The following ZNF532 variants were observed in gnomAD, a reference collection of about 807,000 sequenced individuals.
ZNF532 encodes zinc finger protein 532.
In ZNF532, 22 loss-of-function variants were observed where a neutral mutation model predicts 89.3. The ratio of observed to expected loss-of-function variants is 0.25; its 90% CI spans 0.18 to 0.35. The LOEUF (loss-of-function observed/expected upper bound fraction) is 0.35. Ranked by LOEUF, ZNF532 falls within the 10% of genes least tolerant of loss-of-function variation. ZNF532 has a pLI of 1.00. For synonymous variants in ZNF532, 606 were observed against 649.6 expected (o/e 0.93, Z 1.02); for missense variants, 1,132 against 1,643.4 (o/e 0.69, Z 5.38).
intron 7 of ZNF532, among the ~76,000 whole-genome samples, chr18:58,978,005 A>G (rs17834703): frequency 0.038 from 5,827 of 152,320 alleles, 111 homozygotes; most frequent in East Asian, 0.06. Flanking sequence ...TCCTTGTGAT[A>G]TGACACTGTT....
chr18:58,982,021 A>AAG, intron 9 of ZNF532, among the ~76,000 whole-genome samples: 1 of 149,646 alleles, frequency 6.7e-6, no homozygotes, highest in Non-Finnish European at 1.5e-5. Flanking sequence ...AAAAAAAAAA[A>AAG]TCAGACCACA....
chr18:58,936,013 T>C (rs572319742), intron 4 of ZNF532, among the ~76,000 whole-genome samples: 60 of 152,350 alleles, frequency 3.9e-4, no homozygotes, highest in Non-Finnish European at 7.1e-4. Flanking sequence ...ACATTTTATC[T>C]CATGCCTCCA....
At position 58,888,898 on chromosome 18, in the gene ZNF532, T is replaced by TATATA. The variant is rs2058684524; in HGVS notation, c.-18+23320_-18+23324dup. On this transcript the variant is annotated intron_variant, in intron 2 of 9. Transcript: ENST00000591808. ...ATATTATATATATATATTTTATATA[T>TATATA]ATATATATATATATAATTCATACAG... Among the ~76,000 whole-genome samples, 3 of 78,982 alleles carry TATATA rather than the reference T, an allele frequency of 3.8e-5. No homozygotes were observed. In the South Asian group the frequency reaches 1.0e-3, roughly 27 times the overall value. The allele number at this position is 78,982 out of a possible 152,430, so 51.8% of individuals were successfully genotyped here.
chr18:58,926,688 G>T (rs2061553160), intron 3 of ZNF532, among the ~76,000 whole-genome samples: 1 of 152,150 alleles, frequency 6.6e-6, no homozygotes, highest in South Asian at 2.1e-4. Context: ...TGTTTTGTTA[G>T]ATTTCTTTTT....
At chr18:58,866,176 CA>C (rs372364079) in intron 2 of ZNF532, among the ~76,000 whole-genome samples, 21 of 152,214 alleles carry the variant, frequency 1.4e-4, no homozygotes, top group East Asian at 5.8e-4. Context: ...AATGCAATAC[CA>C]GGGGGAAGCC....
At chr18:58,923,443 A>G (rs976634457) in intron 3 of ZNF532, among the ~76,000 whole-genome samples, 4 of 151,916 alleles carry the variant, frequency 2.6e-5, no homozygotes, top group Non-Finnish European at 5.9e-5. Flanking sequence ...TGTCTTCAGC[A>G]TTCATGGTTT....
intron 2 of ZNF532, among the ~76,000 whole-genome samples, chr18:58,905,779 T>C (rs933807345): frequency 2.6e-5 from 4 of 152,258 alleles, no homozygotes; most frequent in Admixed American, 2.6e-4. Flanking sequence ...CCTTAGTTTT[T>C]ACCTATTGTC....
chr18:58,967,845 C>A (rs2066084612), intron 7 of ZNF532, among the ~76,000 whole-genome samples: 1 of 152,190 alleles, frequency 6.6e-6, no homozygotes, highest in South Asian at 2.1e-4. Flanking sequence ...AGTTGCAAGC[C>A]TTTGGCCAGA....
intron 2 of ZNF532, among the ~76,000 whole-genome samples, chr18:58,888,743 TTA>T (rs1272249847): frequency 1.4e-4 from 6 of 41,550 alleles, no homozygotes; most frequent in Admixed American, 5.1e-4. Context: ...TATATATATT[TTA>T]TATATATATA....
intron 2 of ZNF532, among the ~76,000 whole-genome samples, chr18:58,880,477 C>T (rs892159203): frequency 6.6e-6 from 1 of 152,186 alleles, no homozygotes; most frequent in African/African-American, 2.4e-5. Flanking sequence ...GTAACCTTTA[C>T]CGTTCTTTAA....
intron 5 of ZNF532, among the ~76,000 whole-genome samples, chr18:58,942,276 C>T (rs940144432): frequency 1.4e-5 from 2 of 147,504 alleles, no homozygotes; most frequent in Non-Finnish European, 3.0e-5. Context: ...CCCACCTTGG[C>T]CTCCCAAAGT....
intron 7 of ZNF532, among the ~76,000 whole-genome samples, chr18:58,959,293 G>C (rs1002561555): frequency 2.2e-5 from 1 of 45,998 alleles, no homozygotes; most frequent in African/African-American, 1.1e-4. Flanking sequence ...TTTTTTTTTT[G>C]ACAAGGTCTC....
At chr18:58,864,121 CCT>C (rs1470632151), upstream of ZNF532, 28 of 152,538 alleles carry the variant, frequency 1.8e-4, no homozygotes, top group African/African-American at 5.3e-4. Flanking sequence ...CTCCGTGCCC[CCT>C]CTCCCACTGG....
intron 3 of ZNF532, among the ~76,000 whole-genome samples, chr18:58,932,971 A>G (rs1429756076): frequency 6.6e-6 from 1 of 152,136 alleles, no homozygotes; most frequent in Admixed American, 6.5e-5. Flanking sequence ...AGTAAGTGCA[A>G]GACATTTTAA....
chr18:58,963,602 AATGTGTGT>A (rs2065579941), intron 7 of ZNF532, among the ~76,000 whole-genome samples: 1 of 125,004 alleles, frequency 8.0e-6, no homozygotes, highest in Non-Finnish European at 1.6e-5. Context: ...AAAAGAAAAA[AATGTGTGT>A]GTGTGTGTGT....
chr18:58,914,690 A>C lies in ZNF532; in HGVS notation c.-17-3581A>C, dbSNP rs554411230. On this transcript the variant is annotated intron_variant, in intron 2 of 9. Transcript: ENST00000591808. ...GCAAGACTCCGTCTCGGAAAAAATA[A>C]ATAAATAAAATAAAAGACTATTATT... Among the ~76,000 whole-genome samples the C allele has an allele frequency of 9.2e-5, 14 of 152,328 alleles. No individual in the cohort carries two copies. In the South Asian group the frequency reaches 2.5e-3, roughly 27 times the overall value.
At chr18:58,872,214 G>A (rs914666938) in intron 2 of ZNF532, among the ~76,000 whole-genome samples, 1 of 150,914 alleles carries the variant, frequency 6.6e-6, no homozygotes, top group Non-Finnish European at 1.5e-5. Flanking sequence ...GTATTCTTCT[G>A]TTTTCAGTCA....
chr18:58,864,989 A>G lies in ZNF532; in HGVS notation c.-524A>G, dbSNP rs977601009. 2 of 152,180 alleles carry G rather than the reference A, an allele frequency of 1.3e-5. No individual in the cohort carries two copies. The highest frequency in any genetic ancestry group is 2.9e-5 in the Non-Finnish European group (2 of 68,046). The allele number at this position is 152,180 out of a possible 1,614,324, so 9.4% of individuals were successfully genotyped here. On this transcript the variant is annotated 5_prime_UTR_variant, in exon 1 of 10. Transcript: ENST00000591808. The stretch of plus-strand genomic sequence containing the variant: ...CACTTAGACACCACACAGCACTGGT[A>G]CGTGACTAATGGAGCCCTAAAAGAT...
chr18:58,954,710 A>C (rs1274214265), intron 7 of ZNF532, among the ~76,000 whole-genome samples: 1 of 111,582 alleles, frequency 9.0e-6, no homozygotes, highest in African/African-American at 4.2e-5. Context: ...GGAATTTGCT[A>C]CTTTTTTTTT....
Sources: allele counts gnomAD v4.1 joint callset (sites outside exome capture counted in the v4.1 genomes callset), GRCh38; gene constraint gnomAD v4.1.1; transcripts MANE v1.5; gene names NCBI Gene and HGNC (gene_info 2026-07-23, HGNC 2026-07-21).